SHOC1: variants seen among roughly 807,000 people sequenced by gnomAD.
The protein encoded by SHOC1 is protein shortage in chiasmata 1 ortholog.
In SHOC1, 136 loss-of-function variants were observed where a neutral mutation model predicts 179.2. The observed-to-expected ratio is 0.76, with a 90% CI of 0.66 to 0.87. SHOC1 has a LOEUF of 0.87. Among genes scored for constraint, SHOC1 ranks in the 40% least tolerant of loss-of-function variants. The pLI, the probability that SHOC1 is intolerant of heterozygous loss-of-function variation, is 0.00. For missense variants in SHOC1, 1,538 were observed against 1,700.8 expected (o/e 0.90, Z 1.68); for synonymous variants, 489 against 586.6 (o/e 0.83, Z 2.41).
chr9:111,758,722 T>G lies in SHOC1; in HGVS notation c.569A>C (p.Gln190Pro). 1 of 1,588,212 alleles carries G rather than the reference T, an allele frequency of 6.3e-7. No homozygotes were observed. ...GGAAAAATTAGCTTCTGTGAAGATC[T>G]GTCCTTTGAAATCTAAAAGAGGATC... ...VKDPLLDFKGQIFTEANFSRE... is the reference protein window; with the variant it reads ...VKDPLLDFKGPIFTEANFSRE... Residue 190 changes from glutamine to proline, a missense_variant, in exon 6 of 28, where the codon CAG (glutamine) becomes CCG (proline). Transcript: ENST00000682961.
At chr9:111,735,405 A>G (rs959286501) in intron 12 of SHOC1, among the ~76,000 whole-genome samples, 5 of 151,170 alleles carry the variant, frequency 3.3e-5, no homozygotes, top group African/African-American at 1.2e-4. Context: ...TCATTGTTCA[A>G]CTCTCACTTT....
At chr9:111,708,337 G>C (rs1353625618) in intron 18 of SHOC1, among the ~76,000 whole-genome samples, 1 of 151,922 alleles carries the variant, frequency 6.6e-6, no homozygotes, top group African/African-American at 2.4e-5. Flanking sequence ...CAAGAAGCTG[G>C]GATGACAAGT....
At chr9:111,746,997 T>G (rs10981046) in intron 9 of SHOC1, among the ~76,000 whole-genome samples, 2 of 152,156 alleles carry the variant, frequency 1.3e-5, no homozygotes, top group African/African-American at 2.4e-5. Context: ...GAATTATTTT[T>G]ATTTCCAAAG....
intron 27 of SHOC1, among the ~76,000 whole-genome samples, chr9:111,690,720 C>T (rs1041383547): frequency 2.0e-5 from 3 of 152,228 alleles, no homozygotes; most frequent in South Asian, 2.1e-4. Flanking sequence ...AGGAACAAAA[C>T]AAGTTGTAAG....
chr9:111,690,390 C>T (rs1035494762), intron 27 of SHOC1, among the ~76,000 whole-genome samples: 3 of 152,134 alleles, frequency 2.0e-5, no homozygotes, highest in African/African-American at 7.2e-5. Context: ...TGCCACTGCA[C>T]TCCAGCCTGG....
intron 10 of SHOC1, 42 bp downstream of exon 10, chr9:111,746,192 T>C: frequency 3.8e-6 from 5 of 1,311,526 alleles, no homozygotes; most frequent in Admixed American, 1.7e-5. Context: ...AGACTGCTTG[T>C]TCTGAATTGC....
chr9:111,779,098 CAAA>C (rs1186097509), intron 4 of SHOC1, among the ~76,000 whole-genome samples: 1 of 109,486 alleles, frequency 9.1e-6, no homozygotes, highest in Non-Finnish European at 1.9e-5. Context: ...GACTCTGTGT[CAAA>C]AAAAAAAAAA....
Position 111,706,549 on chromosome 9 carries a change from T to C in SHOC1, c.2737+19A>G. 1 of 1,466,380 alleles carries C rather than the reference T, an allele frequency of 6.8e-7. No individual in the cohort carries two copies. The highest frequency in any genetic ancestry group is 9.0e-7 in the Non-Finnish European group (1 of 1,105,100). The allele number at this position is 1,466,380 out of a possible 1,614,324, so 90.8% of individuals were successfully genotyped here. ...TCATTCTAATAAAGCAAAAAAAGGA[T>C]TTTGGCTTATATTCTTACTTTCTAA... On this transcript the variant is annotated intron_variant, in intron 20 of 27. Transcript: ENST00000682961.
intron 12 of SHOC1, among the ~76,000 whole-genome samples, chr9:111,737,419 C>G (rs1833855598): frequency 6.6e-6 from 1 of 152,212 alleles, no homozygotes; most frequent in Non-Finnish European, 1.5e-5. Flanking sequence ...GTAATCCCAG[C>G]ATTTTGGGAG....
At chr9:111,745,933 A>G (rs1834255596) in intron 10 of SHOC1, among the ~76,000 whole-genome samples, 1 of 152,216 alleles carries the variant, frequency 6.6e-6, no homozygotes, top group Non-Finnish European at 1.5e-5. Context: ...AAAAATACTG[A>G]AATGTATAAA....
At chr9:111,707,004 C>G (rs1309596111) in intron 19 of SHOC1, among the ~76,000 whole-genome samples, 1 of 151,970 alleles carries the variant, frequency 6.6e-6, no homozygotes, top group Non-Finnish European at 1.5e-5. Flanking sequence ...TGGGAGACAG[C>G]CTGATTTTAT....
intron 21 of SHOC1, 33 bp from the exon 22 acceptor site, chr9:111,704,025 G>A: frequency 8.7e-7 from 1 of 1,144,162 alleles, no homozygotes. Flanking sequence ...GTGAAAAAAT[G>A]AAATGCTAAT....
intron 14 of SHOC1, among the ~76,000 whole-genome samples, 188 bp downstream of exon 14, chr9:111,723,604 T>C (rs1202551999): frequency 6.6e-6 from 1 of 151,986 alleles, no homozygotes; most frequent in Non-Finnish European, 1.5e-5. Flanking sequence ...GGTAGGGCAA[T>C]GGGGAGAGGC....
chr9:111,742,952 G>A (rs1834111506), intron 10 of SHOC1, among the ~76,000 whole-genome samples: 1 of 152,220 alleles, frequency 6.6e-6, no homozygotes, highest in African/African-American at 2.4e-5. Context: ...GGAGCTTTCT[G>A]AAGGCATGTC....
intron 12 of SHOC1, chr9:111,737,820 C>T (rs1242479859): frequency 1.9e-5 from 3 of 161,882 alleles, no homozygotes; most frequent in Non-Finnish European, 2.7e-5. Flanking sequence ...TTAAGTTGTA[C>T]AGTAAAAAAT....
intron 5 of SHOC1, among the ~76,000 whole-genome samples, chr9:111,774,959 G>A (rs943510176): frequency 2.0e-5 from 3 of 152,030 alleles, no homozygotes; most frequent in Non-Finnish European, 2.9e-5. Context: ...CTAGTAAGAT[G>A]AGACATTTGG....
At chr9:111,699,374 G>GC (rs1253290418) in intron 24 of SHOC1, among the ~76,000 whole-genome samples, 2 of 152,218 alleles carry the variant, frequency 1.3e-5, no homozygotes, top group Non-Finnish European at 2.9e-5. Context: ...ATTCCCAGTA[G>GC]TCTGCTAGAA....
In SHOC1 at chr9:111,718,250, C is replaced by A. The variant is rs755742775; in HGVS notation, c.2170G>T (p.Ala724Ser). The change falls in exon 16 of 28, where the codon GCT becomes TCT. Residue 724 changes from alanine to serine, a missense_variant. Physicochemically the swap from Ala to Ser is moderately conservative, Grantham distance 99 (BLOSUM62 1). Transcript: ENST00000682961. ...ATTGTTACCAGAAGATGTAAGAGAGCGGCATGCTTGAAAGTCATTTCTCTT... is the reference window on the plus strand; with the variant it reads ...ATTGTTACCAGAAGATGTAAGAGAGAGGCATGCTTGAAAGTCATTTCTCTT... ...DEREMTFKHA[A>S]LLHLLVTIRD... 2 of 1,593,384 alleles carry A rather than the reference C, an allele frequency of 1.3e-6. No homozygotes were observed.
intron 15 of SHOC1, among the ~76,000 whole-genome samples, chr9:111,720,008 A>G (rs1344002377): frequency 1.3e-5 from 2 of 152,238 alleles, no homozygotes; most frequent in African/African-American, 4.8e-5. Context: ...CTATAAACAC[A>G]AAACAGAATA....
Sources: allele counts gnomAD v4.1 joint callset (sites outside exome capture counted in the v4.1 genomes callset), GRCh38; gene constraint gnomAD v4.1.1; transcripts MANE v1.5; gene names NCBI Gene and HGNC (gene_info 2026-07-23, HGNC 2026-07-21).